The following CADPS variants were observed in gnomAD, a reference collection of about 807,000 sequenced individuals.
CADPS encodes calcium dependent secretion activator, also known as calcium-dependent secretion activator 1.
CADPS carries 57 observed loss-of-function variants against 167.3 expected under a neutral mutation model. The observed-to-expected ratio is 0.34, with a 90% confidence interval of 0.28 to 0.42. CADPS has a LOEUF of 0.42. Among genes scored for constraint, CADPS ranks in the 20% least tolerant of loss-of-function variants. The pLI is 1.00. For synonymous variants in CADPS, 676 were observed against 635.3 expected, an observed-to-expected ratio of 1.06 and a Z score of -0.96; for missense variants, 1,414 against 1,738.1, an observed-to-expected ratio of 0.81 and a Z score of 3.32.
chr3:62,444,916 T>A (rs2056960069), intron 27 of CADPS, among the ~76,000 whole-genome samples: 3 of 152,362 alleles, frequency 2.0e-5, no homozygotes, highest in African/African-American at 7.2e-5. Context: ...TTGGTGGCTG[T>A]TGAGATAAGC....
At chr3:62,772,597 G>GT (rs745952140) in intron 1 of CADPS, among the ~76,000 whole-genome samples, 11 of 152,116 alleles carry the variant, frequency 7.2e-5, no homozygotes, top group Admixed American at 3.3e-4. Flanking sequence ...CCCATCTCTG[G>GT]TTTTTTCATT....
chr3:62,740,129 G>A (rs573706), intron 3 of CADPS, among the ~76,000 whole-genome samples: 34,300 of 152,118 alleles, frequency 0.23, 4,153 homozygotes, highest in African/African-American at 0.3. Flanking sequence ...GGGTTGCTTC[G>A]GAGTTGGCTT....
intron 28 of CADPS, among the ~76,000 whole-genome samples, chr3:62,405,046 C>T (rs1256467815): frequency 4.0e-5 from 6 of 150,756 alleles, no homozygotes; most frequent in Non-Finnish European, 5.9e-5. Context: ...ATTCTGGCAG[C>T]CCTACCTTAC....
At chr3:62,662,997 C>G (rs540939322) in intron 3 of CADPS, among the ~76,000 whole-genome samples, 1 of 152,264 alleles carries the variant, frequency 6.6e-6, no homozygotes, top group Non-Finnish European at 1.5e-5. Context: ...GATCAGAGCA[C>G]CCAGGCATAA....
intron 1 of CADPS, among the ~76,000 whole-genome samples, chr3:62,825,654 T>A (rs2073906751): frequency 6.6e-6 from 1 of 152,208 alleles, no homozygotes; most frequent in Non-Finnish European, 1.5e-5. Flanking sequence ...GGCTGAGATT[T>A]AAACTCCAAT....
intron 6 of CADPS, among the ~76,000 whole-genome samples, chr3:62,642,110 G>GAA (rs34341701): frequency 0.03 from 4,314 of 145,604 alleles, 103 homozygotes; most frequent in Non-Finnish European, 0.04. Context: ...GGCTATACTT[G>GAA]AAAAAAAAAA....
At chr3:62,633,476 G>T (rs2065693035) in intron 6 of CADPS, among the ~76,000 whole-genome samples, 1 of 152,106 alleles carries the variant, frequency 6.6e-6, no homozygotes, top group Non-Finnish European at 1.5e-5. Flanking sequence ...TTGCTGACTT[G>T]CTGTCTTCTC....
intron 18 of CADPS, among the ~76,000 whole-genome samples, chr3:62,496,677 G>A (rs915054263): frequency 3.9e-5 from 6 of 152,202 alleles, no homozygotes; most frequent in African/African-American, 1.2e-4. Flanking sequence ...GATGAGAGAA[G>A]TTATACTGGA....
At chr3:62,697,122 C>T (rs1316940221) in intron 3 of CADPS, among the ~76,000 whole-genome samples, 3 of 152,044 alleles carry the variant, frequency 2.0e-5, no homozygotes, top group Admixed American at 1.3e-4. Context: ...TTTACATTTC[C>T]TATTTCCATA....
intron 1 of CADPS, among the ~76,000 whole-genome samples, chr3:62,852,098 G>T (rs993245633): frequency 6.8e-6 from 1 of 147,144 alleles, no homozygotes; most frequent in African/African-American, 2.5e-5. Context: ...TCTTCACGTA[G>T]TTCTCGAGCC....
chr3:62,694,827 G>C (rs2079969553), intron 3 of CADPS, among the ~76,000 whole-genome samples: 1 of 151,992 alleles, frequency 6.6e-6, no homozygotes, highest in African/African-American at 2.4e-5. Flanking sequence ...TTATATTGCT[G>C]GTTAGGAGAC....
intron 26 of CADPS, among the ~76,000 whole-genome samples, chr3:62,450,399 G>C (rs991701773): frequency 1.3e-5 from 2 of 152,174 alleles, no homozygotes; most frequent in African/African-American, 4.8e-5. Context: ...ATGTACCCTA[G>C]GGCACAGGAG....
chr3:62,491,584 C>CAG (rs1326288391), intron 20 of CADPS, 104 bp from the exon 21 acceptor site: 3 of 941,576 alleles, frequency 3.2e-6, no homozygotes, highest in African/African-American at 1.7e-5. Context: ...CACACACACA[C>CAG]AGATGATTGA....
intron 28 of CADPS, among the ~76,000 whole-genome samples, chr3:62,410,231 G>A (rs1479512437): frequency 6.6e-5 from 10 of 152,172 alleles, no homozygotes; most frequent in African/African-American, 2.2e-4. Context: ...TTGTGACTCA[G>A]TCCAATATAT....
At chr3:62,811,270 C>G (rs1002800877) in intron 1 of CADPS, among the ~76,000 whole-genome samples, 1 of 152,046 alleles carries the variant, frequency 6.6e-6, no homozygotes, top group Admixed American at 6.6e-5. Flanking sequence ...ATTCCACCCA[C>G]TCCTCCTACC....
intron 3 of CADPS, among the ~76,000 whole-genome samples, chr3:62,700,156 A>C (rs2367314): frequency 0.98 from 149,776 of 152,130 alleles, 73,774 homozygotes; most frequent in Middle Eastern, 1. Context: ...TTTTAGGCTA[A>C]GACCTATGGT....
At chr3:62,425,468 G>A (rs892656984) in intron 28 of CADPS, among the ~76,000 whole-genome samples, 6 of 152,092 alleles carry the variant, frequency 3.9e-5, no homozygotes, top group Non-Finnish European at 7.4e-5. Context: ...AAAAACAGAT[G>A]TCTAATCCCT....
intron 3 of CADPS, among the ~76,000 whole-genome samples, chr3:62,737,975 G>A (rs372160109): frequency 6.7e-6 from 1 of 149,638 alleles, no homozygotes; most frequent in African/African-American, 2.5e-5. Context: ...TTCTTGTTTT[G>A]CCCATTAAAC....
At chr3:62,593,936 C>G (rs2086651745) in intron 6 of CADPS, among the ~76,000 whole-genome samples, 1 of 152,078 alleles carries the variant, frequency 6.6e-6, no homozygotes, top group Admixed American at 6.5e-5. Context: ...GTTGCATACC[C>G]AGAACTTAGC....
Sources: allele counts gnomAD v4.1 joint callset (sites outside exome capture counted in the v4.1 genomes callset), GRCh38; gene constraint gnomAD v4.1.1; transcripts MANE v1.5; gene names NCBI Gene and HGNC (gene_info 2026-07-23, HGNC 2026-07-21).